Variants in RALYL observed in about 807,000 individuals in gnomAD.
The protein encoded by RALYL is RNA-binding Raly-like protein.
RALYL carries 29 observed loss-of-function variants against 35.1 expected under a neutral mutation model. The ratio of observed to expected loss-of-function variants is 0.83; its 90% CI spans 0.61 to 1.13. The LOEUF (loss-of-function observed/expected upper bound fraction) is 1.13. Among genes scored for constraint, RALYL ranks in the 50% most tolerant of loss-of-function variants. The probability of loss-of-function intolerance (pLI) is 0.00; values close to 1 mark genes in which losing one functional copy is unlikely to be tolerated. For synonymous variants in RALYL, 120 were observed against 127.6 expected, an observed-to-expected ratio of 0.94 and a Z score of 0.40; for missense variants, 359 against 360.4, an observed-to-expected ratio of 1.00 and a Z score of 0.03.
intron 1 of RALYL, among the ~76,000 whole-genome samples, chr8:84,433,845 A>G (rs199980298): frequency 0.033 from 1,181 of 35,896 alleles, 57 homozygotes; most frequent in Admixed American, 0.22. Flanking sequence ...GTGTGTGTGT[A>G]TATATATATA....
intron 2 of RALYL, among the ~76,000 whole-genome samples, chr8:84,641,788 TAAAA>T (rs59556525): frequency 8.4e-6 from 1 of 119,226 alleles, no homozygotes; most frequent in Non-Finnish European, 1.8e-5. Flanking sequence ...GTCTTATTTG[TAAAA>T]AAAAAAAAAA....
At chr8:84,539,968 G>A (rs541919662) in intron 2 of RALYL, among the ~76,000 whole-genome samples, 3 of 147,390 alleles carry the variant, frequency 2.0e-5, no homozygotes, top group East Asian at 2.0e-4. Flanking sequence ...GTAATTAAAC[G>A]TATGCTGCAA....
chr8:84,630,416 C>G (rs567115592), intron 2 of RALYL, among the ~76,000 whole-genome samples: 2 of 151,994 alleles, frequency 1.3e-5, no homozygotes, highest in East Asian at 3.9e-4. Flanking sequence ...CAAGAAGAAA[C>G]CCTATATTCA....
chr8:84,203,993 G>T (rs1563526357), intron 1 of RALYL, among the ~76,000 whole-genome samples: 1 of 152,020 alleles, frequency 6.6e-6, no homozygotes, highest in African/African-American at 2.4e-5. Context: ...AAATGTATGT[G>T]TGTGTGTGTA....
intron 2 of RALYL, among the ~76,000 whole-genome samples, chr8:84,601,268 T>C (rs1451139970): frequency 3.3e-5 from 5 of 152,072 alleles, no homozygotes; most frequent in Non-Finnish European, 7.4e-5. Context: ...TGCAGACAAG[T>C]TATGGCCCCA....
chr8:84,621,808 G>A (rs1479045563), intron 2 of RALYL, among the ~76,000 whole-genome samples: 99 of 152,244 alleles, frequency 6.5e-4, no homozygotes, highest in African/African-American at 2.1e-3. Flanking sequence ...ATTCTCAAGG[G>A]CATGATTCTT....
intron 2 of RALYL, among the ~76,000 whole-genome samples, chr8:84,682,584 G>A (rs1418861877): frequency 2.6e-5 from 4 of 152,026 alleles, no homozygotes; most frequent in Admixed American, 6.6e-5. Flanking sequence ...TGTATGTGTC[G>A]AGGAATTTAT....
intron 2 of RALYL, among the ~76,000 whole-genome samples, chr8:84,618,104 T>G (rs1330465091): frequency 6.6e-6 from 1 of 151,872 alleles, no homozygotes; most frequent in Admixed American, 6.5e-5. Flanking sequence ...GATGCTGGCC[T>G]CATAAAATGA....
At chr8:84,756,618 G>A (rs180685092) in intron 2 of RALYL, among the ~76,000 whole-genome samples, 42 of 152,082 alleles carry the variant, frequency 2.8e-4, no homozygotes, top group African/African-American at 8.4e-4. Context: ...TTTATACAAC[G>A]TCACCTGCTG....
chr8:84,770,158 A>T (rs1815079095), intron 2 of RALYL, among the ~76,000 whole-genome samples: 1 of 152,134 alleles, frequency 6.6e-6, no homozygotes, highest in African/African-American at 2.4e-5. Flanking sequence ...CTAGCAGTAT[A>T]CACTAAACCC....
At chr8:84,205,539 G>A (rs922422870) in intron 1 of RALYL, among the ~76,000 whole-genome samples, 1 of 152,026 alleles carries the variant, frequency 6.6e-6, no homozygotes, top group African/African-American at 2.4e-5. Flanking sequence ...TATTTTACTC[G>A]GAAGTTTTAT....
chr8:84,433,346 A>G (rs767839612), intron 1 of RALYL, among the ~76,000 whole-genome samples: 3 of 152,042 alleles, frequency 2.0e-5, no homozygotes, highest in Non-Finnish European at 2.9e-5. Flanking sequence ...TATTTTAACC[A>G]TCTTATTTTC....
intron 1 of RALYL, among the ~76,000 whole-genome samples, chr8:84,467,123 T>G (rs1209989250): frequency 3.9e-5 from 6 of 152,154 alleles, no homozygotes; most frequent in Non-Finnish European, 7.4e-5. Context: ...TTTGAAGGGT[T>G]TTTTGTGTCA....
At chr8:84,438,174 G>C (rs1486322926) in intron 1 of RALYL, among the ~76,000 whole-genome samples, 3 of 152,058 alleles carry the variant, frequency 2.0e-5, no homozygotes, top group African/African-American at 7.2e-5. Flanking sequence ...CGGATTAGTT[G>C]CAAATATTTT....
chr8:84,605,261 A>C (rs1241575350), intron 2 of RALYL, among the ~76,000 whole-genome samples: 1 of 152,152 alleles, frequency 6.6e-6, no homozygotes, highest in Non-Finnish European at 1.5e-5. Context: ...TTTCATCCTC[A>C]TACACAGCCT....
chr8:84,501,544 A>C (rs945940168), intron 1 of RALYL, among the ~76,000 whole-genome samples: 1 of 152,068 alleles, frequency 6.6e-6, no homozygotes. Flanking sequence ...AGATATAAAC[A>C]TAATATATAT....
intron 1 of RALYL, among the ~76,000 whole-genome samples, chr8:84,188,686 A>G (rs773818132): frequency 1.3e-5 from 2 of 152,138 alleles, no homozygotes; most frequent in Non-Finnish European, 2.9e-5. Context: ...AAGTTTACAT[A>G]ATTATACTTG....
chr8:84,439,676 C>G (rs768464477), intron 1 of RALYL, among the ~76,000 whole-genome samples: 1 of 151,702 alleles, frequency 6.6e-6, no homozygotes, highest in Non-Finnish European at 1.5e-5. Context: ...TTTTCTTTTG[C>G]TCATCATTTC....
intron 2 of RALYL, among the ~76,000 whole-genome samples, chr8:84,770,406 T>TCATATATATATACATATA (rs550466476): frequency 6.7e-6 from 1 of 150,090 alleles, no homozygotes; most frequent in African/African-American, 2.4e-5. Context: ...TAGTAGTCCA[T>TCATATATATATACATATA]CATATATATA....
Sources: allele counts gnomAD v4.1 joint callset (sites outside exome capture counted in the v4.1 genomes callset), GRCh38; gene constraint gnomAD v4.1.1; transcripts MANE v1.5; gene names NCBI Gene and HGNC (gene_info 2026-07-23, HGNC 2026-07-21).